The following HEMK2 variants were observed in gnomAD, a reference collection of about 807,000 sequenced individuals.
HEMK2 encodes HemK methyltransferase 2, ETF1 glutamine and histone H4 lysine.
the HEMK2 span, among the ~76,000 whole-genome samples, chr21:28,788,237 CGTATATAT>C: frequency 8.2e-5 from 12 of 146,890 alleles, no homozygotes; most frequent in Admixed American, 6.1e-4. Context: ...CACGTATATA[CGTATATAT>C]GTATATATGT....
At chr21:28,670,282 T>C in the HEMK2 span, among the ~76,000 whole-genome samples, 8 of 152,214 alleles carry the variant, frequency 5.3e-5, no homozygotes, top group African/African-American at 1.9e-4. Flanking sequence ...GCAAAGGAAC[T>C]GATGCAAATG....
the HEMK2 span, among the ~76,000 whole-genome samples, chr21:28,786,542 A>T: frequency 1.3e-5 from 2 of 151,962 alleles, no homozygotes; most frequent in Non-Finnish European, 2.9e-5. Flanking sequence ...GTGTTGGCAC[A>T]CACCTGTAAT....
At chr21:28,616,738 C>A in the HEMK2 span, among the ~76,000 whole-genome samples, 4 of 152,336 alleles carry the variant, frequency 2.6e-5, no homozygotes, top group Non-Finnish European at 5.9e-5. Flanking sequence ...TCCTACCCTA[C>A]AAGTACCATT....
chr21:28,731,746 T>TAA, the HEMK2 span, among the ~76,000 whole-genome samples: 3 of 118,150 alleles, frequency 2.5e-5, no homozygotes, highest in Admixed American at 2.6e-4. Context: ...CCCTAAAACT[T>TAA]AAAGTATAAT....
chr21:28,658,752 C>A, the HEMK2 span, among the ~76,000 whole-genome samples: 1 of 152,204 alleles, frequency 6.6e-6, no homozygotes, highest in East Asian at 1.9e-4. Context: ...TGACAAAAAA[C>A]CTCTTGTCCT....
the HEMK2 span, among the ~76,000 whole-genome samples, chr21:28,774,221 G>A: frequency 1.3e-5 from 2 of 152,094 alleles, no homozygotes; most frequent in Non-Finnish European, 2.9e-5. Flanking sequence ...GCTGTCTCAC[G>A]TTTCTCCTGG....
At chr21:28,619,977 T>A in the HEMK2 span, among the ~76,000 whole-genome samples, 1 of 152,196 alleles carries the variant, frequency 6.6e-6, no homozygotes, top group East Asian at 1.9e-4. Context: ...AATCATGTCA[T>A]CTGCAAACAG....
At chr21:28,737,929 G>T in the HEMK2 span, among the ~76,000 whole-genome samples, 1 of 152,216 alleles carries the variant, frequency 6.6e-6, no homozygotes, top group African/African-American at 2.4e-5. Context: ...CATGTTCAGG[G>T]AGAAACACAG....
chr21:28,621,430 G>C, the HEMK2 span, among the ~76,000 whole-genome samples: 1 of 152,046 alleles, frequency 6.6e-6, no homozygotes, highest in Admixed American at 6.6e-5. Flanking sequence ...TCCTATATTG[G>C]GTGTATATAT....
chr21:28,659,845 T>C, the HEMK2 span, among the ~76,000 whole-genome samples: 82 of 152,220 alleles, frequency 5.4e-4, no homozygotes, highest in Middle Eastern at 0.014. Flanking sequence ...CCTAACAATA[T>C]AGTTACACAT....
At chr21:28,863,460 A>ATATATG in the HEMK2 span, among the ~76,000 whole-genome samples, 5 of 77,702 alleles carry the variant, frequency 6.4e-5, no homozygotes, top group Non-Finnish European at 1.4e-4. Context: ...ATATATATAT[A>ATATATG]TATATATATA....
the HEMK2 span, among the ~76,000 whole-genome samples, chr21:28,638,370 A>C: frequency 6.6e-6 from 1 of 152,180 alleles, no homozygotes; most frequent in Non-Finnish European, 1.5e-5. Context: ...AGCACGGTGC[A>C]CAGGCAAATT....
the HEMK2 span, among the ~76,000 whole-genome samples, chr21:28,826,320 T>G: frequency 2.0e-5 from 3 of 152,346 alleles, no homozygotes; most frequent in African/African-American, 7.2e-5. Flanking sequence ...TCCCATGTTC[T>G]TTTGGTTTCC....
chr21:28,798,217 G>A, the HEMK2 span, among the ~76,000 whole-genome samples: 102 of 152,298 alleles, frequency 6.7e-4, 1 homozygote, highest in African/African-American at 2.3e-3. Flanking sequence ...TTTGAGGAGG[G>A]TGTTTAAAAT....
At chr21:28,774,960 G>T in the HEMK2 span, among the ~76,000 whole-genome samples, 4 of 152,048 alleles carry the variant, frequency 2.6e-5, no homozygotes, top group Non-Finnish European at 4.4e-5. Flanking sequence ...TGGCAGAAAA[G>T]AACCCTATAA....
the HEMK2 span, among the ~76,000 whole-genome samples, chr21:28,846,977 T>C: frequency 6.6e-6 from 1 of 152,226 alleles, no homozygotes; most frequent in African/African-American, 2.4e-5. Context: ...TGTTCTTTTT[T>C]ATGGCTGTGT....
the HEMK2 span, among the ~76,000 whole-genome samples, chr21:28,769,703 A>G: frequency 6.6e-6 from 1 of 152,154 alleles, no homozygotes; most frequent in Non-Finnish European, 1.5e-5. Context: ...TCTTAACCAA[A>G]TCTACAAAGT....
chr21:28,857,395 TGTAA>T, the HEMK2 span, among the ~76,000 whole-genome samples: 5 of 152,160 alleles, frequency 3.3e-5, no homozygotes, highest in African/African-American at 1.2e-4. Context: ...GTTGAAAGGA[TGTAA>T]GTTTTAATGT....
chr21:28,881,168 T>C, the HEMK2 span, among the ~76,000 whole-genome samples: 1 of 152,188 alleles, frequency 6.6e-6, no homozygotes, highest in East Asian at 1.9e-4. Flanking sequence ...CAGTTGTCAT[T>C]TGTTGTTTTT....
Sources: allele counts gnomAD v4.1 joint callset (sites outside exome capture counted in the v4.1 genomes callset), GRCh38; gene constraint gnomAD v4.1.1; transcripts MANE v1.5; gene names NCBI Gene and HGNC (gene_info 2026-07-23, HGNC 2026-07-21).